Variants in CCNE1 observed in about 807,000 individuals in gnomAD.
CCNE1 encodes the protein G1/S-specific cyclin-E1.
In CCNE1, 8 loss-of-function variants were observed where a neutral mutation model predicts 54.1. The observed-to-expected ratio is 0.15, with a 90% CI of 0.09 to 0.27. CCNE1 has a LOEUF of 0.27. Ranked by LOEUF, CCNE1 falls within the 10% of genes least tolerant of loss-of-function variation. CCNE1 has a pLI of 1.00. For synonymous variants in CCNE1, 179 were observed against 185.2 expected (o/e 0.97, Z 0.27); for missense variants, 430 against 514.9 (o/e 0.84, Z 1.60).
In CCNE1 at chr19:29,812,969, T is replaced by C. The variant is rs772724283; in HGVS notation, c.112T>C (p.Phe38Leu). The C allele has an allele frequency of 6.2e-6, 10 of 1,614,058 alleles. No individual in the cohort carries two copies. In the South Asian group the frequency reaches 9.9e-5, roughly 16 times the overall value. The change falls in exon 4 of 12, where the codon TTT (phenylalanine) becomes CTT (leucine). Residue 38 changes from phenylalanine (F) to leucine (L), a missense_variant and splice_region_variant. This residue lies in a region of CCNE1 where 127 missense variants were observed against 113.8 expected (regional missense o/e 1.12). Transcript: ENST00000262643. The part of the protein sequence containing the change: ...SRKRKANVTV[F>L]LQDPDEEMAK... The stretch of plus-strand genomic sequence containing the variant: ...GGTCATGGGGGTGGCTTCATGTTAG[T>C]TTTTGCAGGATCCAGATGAAGAAAT...
intron 7 of CCNE1, among the ~76,000 whole-genome samples, chr19:29,821,303 C>G (rs896780817): frequency 5.3e-5 from 8 of 152,154 alleles, no homozygotes; most frequent in Non-Finnish European, 1.0e-4. Flanking sequence ...AAGAGAATTG[C>G]TGGAGCCCAG....
rs1027875778 is a variant in CCNE1 at position 29,823,743 on chromosome 19, G to T, written c.1199G>T (p.Gly400Val). Residue 400 changes from glycine (G) to valine (V), a missense_variant, in exon 12 of 12, where the codon GGT becomes GTT. Around this residue, in one of 2 missense-constraint regions of CCNE1, gnomAD observed 303 missense variants for 401.1 expected, o/e 0.76. Coordinates refer to ENST00000262643, the MANE Select transcript of CCNE1 (RefSeq NM_001238.4). Reference protein sequence around the residue: ...PSGLLTPPQSGKKQSSGPEMA With the variant: ...PSGLLTPPQSVKKQSSGPEMA ...GGGCTCCTCACCCCGCCACAGAGCG[G>T]TAAGAAGCAGAGCAGCGGGCCGGAA... 6.2e-7 allele frequency: 1 copy of T among 1,613,950 alleles called. No individual in the cohort carries two copies. Among genetic ancestry groups the T allele is most frequent in the Admixed American group, 1.7e-5 (1 of 59,944 alleles).
Position 29,817,262 on chromosome 19 carries a change from C to A in CCNE1, c.306C>A (p.Gly102=). The A allele has an allele frequency of 6.2e-7, 1 of 1,614,204 alleles. No homozygotes were observed. The highest frequency in any genetic ancestry group is 1.3e-5 in the African/African-American group (1 of 75,048). ...CKPRIIAPSR[G]SPLPVLSWAN... is the part of the protein sequence containing the mutation. ...CTCGGATTATTGCACCATCCAGAGG[C>A]TCCCCGCTGCCTGTACTGAGGTCAG... Residue 102 remains glycine, a synonymous_variant, in exon 5 of 12, where the codon GGC becomes GGA. Coordinates refer to ENST00000262643, the MANE Select transcript of CCNE1 (RefSeq NM_001238.4).
Position 29,824,205 on chromosome 19 carries a change from C to A in CCNE1, c.*428C>A, listed in dbSNP as rs1406. The A allele has an allele frequency of 0.27, 66,214 of 249,640 alleles. 9,380 individuals are homozygous for A. The highest frequency in any genetic ancestry group is 0.42 in the South Asian group (2,423 of 5,818). The allele number at this position is 249,640 out of a possible 1,614,324, so 15.5% of individuals were successfully genotyped here. A position where few individuals can be genotyped will look rare whatever the true frequency, so the allele number is the denominator to read the frequency against. On this transcript the variant is annotated 3_prime_UTR_variant, in exon 12 of 12. Transcript: ENST00000262643. ...CCATAGCCAGCTGGGCAGGGGGCTG[C>A]CCTCTCCACATTATCAGTTGACAGT...
At position 29,823,927 on chromosome 19, in the gene CCNE1, A is replaced by C; in HGVS notation, c.*150A>C. ...GAAGTATTTCTGTGGATGGCATCAAACAGGGCAAAGTGTTTTTTATTGAAT... is the reference window on the plus strand; with the variant it reads ...GAAGTATTTCTGTGGATGGCATCAACCAGGGCAAAGTGTTTTTTATTGAAT... On this transcript the variant is annotated 3_prime_UTR_variant, in exon 12 of 12. Transcript: ENST00000262643. 1.1e-6 allele frequency: 1 copy of C among 885,896 alleles called. No homozygotes were observed. The highest frequency in any genetic ancestry group is 1.6e-6 in the Non-Finnish European group (1 of 612,366). 54.9% of individuals were successfully genotyped at this position (885,896 alleles called of 1,614,324 possible).
chr19:29,822,890 G>A (rs1490640823), intron 11 of CCNE1, among the ~76,000 whole-genome samples: 4 of 151,530 alleles, frequency 2.6e-5, no homozygotes, highest in Admixed American at 6.6e-5. Flanking sequence ...GTTGCAGTGC[G>A]TTGAGATCAC....
chr19:29,815,265 T>G (rs1379145209), intron 4 of CCNE1, among the ~76,000 whole-genome samples: 2 of 152,228 alleles, frequency 1.3e-5, no homozygotes, highest in Non-Finnish European at 2.9e-5. Flanking sequence ...GAATTCATTC[T>G]TCCTGAATGA....
chr19:29,820,588 T>G (rs2145726321), intron 6 of CCNE1, 114 bp from the exon 7 acceptor site: 1 of 750,872 alleles, frequency 1.3e-6, no homozygotes, highest in Non-Finnish European at 2.2e-6. Flanking sequence ...AATTGTTGAG[T>G]TCAGGAACTT....
intron 11 of CCNE1, among the ~76,000 whole-genome samples, chr19:29,823,188 A>T (rs1426527716): frequency 3.3e-5 from 5 of 152,144 alleles, no homozygotes; most frequent in African/African-American, 1.2e-4. Flanking sequence ...AGGCAGAAGG[A>T]CTGCTTAAGC....
intron 3 of CCNE1, 85 bp from the exon 4 acceptor site, chr19:29,812,884 T>C: frequency 6.3e-7 from 1 of 1,597,336 alleles, no homozygotes; most frequent in African/African-American, 1.3e-5. Context: ...ACGGAGCTCA[T>C]AACCTGATCA....
intron 3 of CCNE1, 40 bp downstream of exon 3, chr19:29,812,816 T>G: frequency 6.7e-7 from 1 of 1,490,408 alleles, no homozygotes. Context: ...ATCCCCCCCA[T>G]CTCACCTGGG....
At position 29,822,456 on chromosome 19, in the gene CCNE1, G is replaced by T. The variant is rs1252378705; in HGVS notation, c.963G>T (p.Trp321Cys). The change falls in exon 11 of 12, where the codon TGG becomes TGT. Residue 321 changes from tryptophan to cysteine, a missense_variant. Transcript: ENST00000262643. ...ATGTCTTCACTGCAGGGTATCAGTG[G>T]TGCGACATAGAGAACTGTGTCAAGT... ...ELMQKVSGYQ[W>C]CDIENCVKWM... The T allele has an allele frequency of 1.9e-6, 3 of 1,613,982 alleles. No individual in the cohort carries two copies. The highest frequency in any genetic ancestry group is 2.5e-6 in the Non-Finnish European group (3 of 1,179,916).
At position 29,820,763 on chromosome 19, in the gene CCNE1, G is replaced by A. The variant is rs1352565996; in HGVS notation, c.524G>A (p.Arg175Gln). 1.2e-6 allele frequency: 2 copies of A among 1,609,496 alleles called. No individual in the cohort carries two copies. Among genetic ancestry groups the A allele is most frequent in the East Asian group, 2.2e-5 (1 of 44,836 alleles). Residue 175 changes from arginine to glutamine, a missense_variant, in exon 7 of 12, where the codon CGG (arginine) becomes CAG (glutamine). By Grantham distance (43) the Arg-to-Gln change is conservative (BLOSUM62 1). Coordinates refer to ENST00000262643, the MANE Select transcript of CCNE1 (RefSeq NM_001238.4). ...TFYLAQDFFD[R>Q]YMATQENVVK... ...TACTTGGCACAAGATTTCTTTGACC[G>A]GTATATGGCGACACAAGAAAATGTT...
chr19:29,813,654 G>T (rs1323001502), intron 4 of CCNE1, among the ~76,000 whole-genome samples: 1 of 151,726 alleles, frequency 6.6e-6, no homozygotes, highest in Non-Finnish European at 1.5e-5. Context: ...AACATTCAGT[G>T]TAATGATAGG....
intron 11 of CCNE1, 69 bp from the exon 12 acceptor site, chr19:29,823,586 G>A (rs904284768): frequency 1.6e-5 from 22 of 1,364,938 alleles, no homozygotes; most frequent in Non-Finnish European, 2.1e-5. Flanking sequence ...AAAAGAAAAA[G>A]CCTATGGTAA....
intron 4 of CCNE1, among the ~76,000 whole-genome samples, chr19:29,814,430 C>T (rs984179067): frequency 2.0e-5 from 3 of 152,310 alleles, no homozygotes; most frequent in Admixed American, 1.3e-4. Context: ...CGGATTGTGG[C>T]TCTGTCCCCT....
At position 29,820,902 on chromosome 19, in the gene CCNE1, C is replaced by T. The variant is rs1021767704; in HGVS notation, c.609+54C>T. ...AATGTGTGTTATTTCTCGAGCTCCACTGAGATTGGGGGAAGAGGTTGGCGC... is the reference window on the plus strand; with the variant it reads ...AATGTGTGTTATTTCTCGAGCTCCATTGAGATTGGGGGAAGAGGTTGGCGC... On this transcript the variant is annotated intron_variant, in intron 7 of 11. Coordinates refer to ENST00000262643, the MANE Select transcript of CCNE1 (RefSeq NM_001238.4). The T allele has an allele frequency of 2.1e-6, 3 of 1,397,624 alleles. No homozygotes were observed. The African/African-American group carries it at 4.3e-5, about 20-fold the overall frequency. 86.6% of individuals were successfully genotyped at this position (1,397,624 alleles called of 1,614,324 possible).
At chr19:29,813,477 A>G (rs3218031) in intron 4 of CCNE1, 2,355 of 163,296 alleles carry the variant, frequency 0.014, 38 homozygotes, top group Middle Eastern at 0.043. Flanking sequence ...CTTTCCCCCT[A>G]TCTACACCTA....
At chr19:29,815,931 G>A (rs1276188910) in intron 4 of CCNE1, among the ~76,000 whole-genome samples, 15 of 151,706 alleles carry the variant, frequency 9.9e-5, no homozygotes, top group African/African-American at 3.4e-4. Flanking sequence ...AAGGCAGGAG[G>A]ATGGCTTGAG....
Sources: gnomAD v4.1 joint callset for allele counts (sites outside exome capture counted in the v4.1 genomes callset) on GRCh38, gnomAD v4.1.1 for gene constraint, gnomAD v4.1.1 regional missense constraint, MANE v1.5 for transcripts, NCBI Gene and HGNC (gene_info 2026-07-23, HGNC 2026-07-21) for gene names.